NTNG2: variants seen among roughly 807,000 people sequenced by gnomAD.
The protein encoded by NTNG2 is netrin-G2.
A neutral mutation model predicts 47.6 loss-of-function variants in NTNG2; 15 were observed. The ratio of observed to expected loss-of-function variants is 0.32; its 90% confidence interval spans 0.21 to 0.49. The LOEUF is 0.49. Ranked by LOEUF, NTNG2 falls within the 20% of genes least tolerant of loss-of-function variation. NTNG2 has a pLI of 0.99. For synonymous variants in NTNG2, 307 were observed against 324.6 expected (o/e 0.95, Z 0.58); for missense variants, 578 against 764.6 (o/e 0.76, Z 2.88).
At chr9:132,202,901 T>C (rs191757481) in intron 3 of NTNG2, among the ~76,000 whole-genome samples, 105 of 152,280 alleles carry the variant, frequency 6.9e-4, no homozygotes, top group African/African-American at 2.4e-3. Context: ...GACTGTAACC[T>C]GTTGGAACCT....
In NTNG2 at chr9:132,166,726, C is replaced by G. The variant is rs1348777292; in HGVS notation, c.-106C>G. 5 of 1,066,672 alleles carry G rather than the reference C, an allele frequency of 4.7e-6. No homozygotes were observed. The highest frequency in any genetic ancestry group is 7.1e-6 in the Non-Finnish European group (5 of 702,128). The allele number at this position is 1,066,672 out of a possible 1,614,324, so 66.1% of individuals were successfully genotyped here. Reference sequence around the variant, plus strand: ...GTCCCTGGGACACCCCGGCCACCCTCGCCTGGTAGATGTGGCATTTCCATG... The same window carrying G: ...GTCCCTGGGACACCCCGGCCACCCTGGCCTGGTAGATGTGGCATTTCCATG... On this transcript the variant is annotated 5_prime_UTR_variant, in exon 2 of 8. Transcript: ENST00000393229.
chr9:132,190,230 C>G (rs1156349628), intron 2 of NTNG2, among the ~76,000 whole-genome samples: 5 of 58,170 alleles, frequency 8.6e-5, no homozygotes, highest in Non-Finnish European at 1.4e-4. Context: ...GAGACTCCAT[C>G]TCAAAAAAAA....
rs1491423706 is a variant in NTNG2, at chr9:132,162,567, A to AGT, written c.-484+329_-484+330insTG. ...GTGTGTGTGTGTGTGAGAGAGAGAC[A>AGT]GAGTGTGTGTGTGTGTGTGTGTGTG... On this transcript the variant is annotated intron_variant, in intron 1 of 7. Transcript: ENST00000393229. The surrounding 1 kb of genome is among the most constrained non-coding windows in gnomAD (Gnocchi z 4.6). Among the ~76,000 whole-genome samples the AGT allele has an allele frequency of 1.7e-3, 170 of 101,774 alleles. 2 individuals carry two copies. The highest frequency in any genetic ancestry group is 5.9e-3 in the African/African-American group (163 of 27,506). 66.8% of individuals were successfully genotyped at this position (101,774 alleles called of 152,430 possible). A position where few individuals can be genotyped will look rare whatever the true frequency, so the allele number is the denominator to read the frequency against.
intron 2 of NTNG2, among the ~76,000 whole-genome samples, chr9:132,191,844 T>A (rs1225449834): frequency 1.3e-5 from 2 of 152,238 alleles, no homozygotes; most frequent in Non-Finnish European, 2.9e-5. Flanking sequence ...GTGCTTGGAT[T>A]ACGGGCGTGA....
At chr9:132,176,036 T>C (rs1354703739) in intron 2 of NTNG2, among the ~76,000 whole-genome samples, 2 of 152,146 alleles carry the variant, frequency 1.3e-5, no homozygotes, top group Non-Finnish European at 2.9e-5. Flanking sequence ...GAAGTTCACA[T>C]AACATAAAAT....
chr9:132,173,633 G>A (rs1836103690), intron 2 of NTNG2, among the ~76,000 whole-genome samples: 1 of 152,246 alleles, frequency 6.6e-6, no homozygotes, highest in South Asian at 2.1e-4. Flanking sequence ...GATGGGGCAG[G>A]CAGTGGATGG....
chr9:132,167,053 A>G lies in NTNG2; in HGVS notation c.213+9A>G, dbSNP rs570920639. 1 of 1,613,532 alleles carries G rather than the reference A, an allele frequency of 6.2e-7. No homozygotes were observed. The highest frequency in any genetic ancestry group is 2.2e-5 in the East Asian group (1 of 44,868). On this transcript the variant is annotated intron_variant, in intron 2 of 7. Transcript: ENST00000393229. ...AGAGGTTCTGCTCCCATGTAAGTCC[A>G]CTTACTGCTCTTTTGTTTGCCCAGG...
intron 2 of NTNG2, among the ~76,000 whole-genome samples, chr9:132,174,459 C>A (rs998614372): frequency 6.6e-6 from 1 of 152,214 alleles, no homozygotes; most frequent in African/African-American, 2.4e-5. Context: ...GGGGGCATCC[C>A]GCACTTCTGG....
At chr9:132,235,882 C>T (rs1223246137) in intron 5 of NTNG2, among the ~76,000 whole-genome samples, 3 of 149,636 alleles carry the variant, frequency 2.0e-5, no homozygotes, top group East Asian at 2.0e-4. Context: ...TGTAGAATGT[C>T]GGTGCCTGGG....
intron 3 of NTNG2, among the ~76,000 whole-genome samples, chr9:132,200,505 C>T (rs773241567): frequency 9.8e-5 from 15 of 152,314 alleles, no homozygotes; most frequent in Middle Eastern, 6.8e-3. Context: ...TGTACAGGAC[C>T]GGGAAAAACA....
chr9:132,204,474 G>A (rs956149259), intron 3 of NTNG2, among the ~76,000 whole-genome samples: 1 of 152,124 alleles, frequency 6.6e-6, no homozygotes, highest in East Asian at 1.9e-4. Context: ...GGAGGGGAGT[G>A]CAGAGACAGG....
intron 1 of NTNG2, among the ~76,000 whole-genome samples, chr9:132,164,585 G>C (rs760756729): frequency 6.6e-6 from 1 of 152,254 alleles, no homozygotes; most frequent in Non-Finnish European, 1.5e-5. Flanking sequence ...AACCTTTGCC[G>C]GCGGCGCTAT....
At chr9:132,230,449 C>A in intron 4 of NTNG2, 123 bp from the exon 5 acceptor site, 2 of 793,148 alleles carry the variant, frequency 2.5e-6, no homozygotes, top group Non-Finnish European at 2.2e-6. Context: ...TGTGGTGGAG[C>A]AGGTGCTCTT....
In NTNG2 at chr9:132,226,981, C is replaced by T. The variant is rs377354551; in HGVS notation, c.990C>T (p.Ala330=). 157 of 1,610,102 alleles carry T rather than the reference C, an allele frequency of 9.8e-5. No individual in the cohort carries two copies. The highest frequency in any genetic ancestry group is 1.7e-4 in the Admixed American group (10 of 59,920). ...ATTTCCGCACCCGGTCCTGGCGGGCCGGCTCCTACCTGCCGCTGCCCCATG... is the reference window on the plus strand; with the variant it reads ...ATTTCCGCACCCGGTCCTGGCGGGCTGGCTCCTACCTGCCGCTGCCCCATG... ...KKNFRTRSWR[A]GSYLPLPHGS... Residue 330 remains alanine, a synonymous_variant, in exon 4 of 8, where the codon GCC becomes GCT. Coordinates refer to ENST00000393229, the MANE Select transcript of NTNG2 (RefSeq NM_032536.4). The surrounding 1 kb of genome is among the most constrained non-coding windows in gnomAD (Gnocchi z 4.8).
At chr9:132,165,701 T>C (rs770102416) in intron 1 of NTNG2, among the ~76,000 whole-genome samples, 1 of 152,232 alleles carries the variant, frequency 6.6e-6, no homozygotes, top group Non-Finnish European at 1.5e-5. Context: ...CATGGTATTT[T>C]AAAGCAACCA....
chr9:132,210,426 T>C (rs1327071704), intron 3 of NTNG2, among the ~76,000 whole-genome samples: 1 of 152,202 alleles, frequency 6.6e-6, no homozygotes, highest in Non-Finnish European at 1.5e-5. Context: ...GTGGAATTCC[T>C]TGGCTTTATC....
chr9:132,163,556 C>T lies in NTNG2; in HGVS notation c.-484+1317C>T, dbSNP rs1262124307. Reference sequence around the variant, plus strand: ...TCCCTCCCGGCAACCGCCACTCTCCCCTGAAAGCAGATTTCACCCCCCTCT... The same window carrying T: ...TCCCTCCCGGCAACCGCCACTCTCCTCTGAAAGCAGATTTCACCCCCCTCT... On this transcript the variant is annotated intron_variant, in intron 1 of 7. Transcript: ENST00000393229. The surrounding 1 kb of genome is among the most constrained non-coding windows in gnomAD (Gnocchi z 7.2). 1.3e-5 allele frequency among the ~76,000 whole-genome samples: 2 copies of T among 152,148 alleles called. No homozygotes were observed. Among genetic ancestry groups the T allele is most frequent in the Non-Finnish European group, 2.9e-5 (2 of 67,996 alleles).
At chr9:132,178,961 CAAAAA>C (rs33967810) in intron 2 of NTNG2, among the ~76,000 whole-genome samples, 27 of 82,320 alleles carry the variant, frequency 3.3e-4, no homozygotes, top group Non-Finnish European at 5.7e-4. Context: ...GACTCGGTCT[CAAAAA>C]AAAAAAAAAA....
At chr9:132,193,032 G>A (rs1226240472) in intron 2 of NTNG2, among the ~76,000 whole-genome samples, 2 of 152,204 alleles carry the variant, frequency 1.3e-5, no homozygotes, top group African/African-American at 2.4e-5. Context: ...CAGACAGGCC[G>A]GGTGCAACTG....
Sources: gnomAD v4.1 joint callset for allele counts (sites outside exome capture counted in the v4.1 genomes callset) on GRCh38, gnomAD v4.1.1 for gene constraint, Gnocchi (gnomAD v3.1) non-coding constraint, MANE v1.5 for transcripts, NCBI Gene and HGNC (gene_info 2026-07-23, HGNC 2026-07-21) for gene names.